Variants in ALDH3A2 observed in about 807,000 individuals in gnomAD.
ALDH3A2 encodes aldehyde dehydrogenase family 3 member A2.
ALDH3A2 carries 36 observed loss-of-function variants against 51.3 expected under a neutral mutation model. The observed-to-expected ratio is 0.70, with a 90% CI of 0.54 to 0.93. The LOEUF (loss-of-function observed/expected upper bound fraction) is 0.93. ALDH3A2 is among the 40% of genes least tolerant of loss of function. ALDH3A2 has a pLI of 0.00. For missense variants in ALDH3A2, 552 were observed against 603.1 expected, an observed-to-expected ratio of 0.92 and a Z score of 0.89; for synonymous variants, 199 against 219.8, an observed-to-expected ratio of 0.91 and a Z score of 0.84.
At position 19,677,589 on chromosome 17, in the gene ALDH3A2, T is replaced by C. The variant is rs1278159860; in HGVS notation, c.*2017T>C. ...CCCAACTATAAATCATTTTATGTCT[T>C]TATCATAGATGGTATTTGTCAACTT... is the stretch of plus-strand genomic sequence containing the variant. On this transcript the variant is annotated 3_prime_UTR_variant, in exon 10 of 10. Coordinates refer to ENST00000176643, the MANE Select transcript of ALDH3A2 (RefSeq NM_000382.3). 1 of 152,236 alleles carries C rather than the reference T, an allele frequency of 6.6e-6. No individual in the cohort carries two copies. Among genetic ancestry groups the C allele is most frequent in the Non-Finnish European group, 1.5e-5 (1 of 68,040 alleles). The allele number at this position is 152,236 out of a possible 1,614,324, so 9.4% of individuals were successfully genotyped here. A position where few individuals can be genotyped will look rare whatever the true frequency, so the allele number is the denominator to read the frequency against.
intron 6 of ALDH3A2, chr17:19,662,232 T>G (rs779053431): frequency 8.5e-5 from 13 of 152,162 alleles, no homozygotes; most frequent in Admixed American, 3.9e-4. Flanking sequence ...ATTAGGACTT[T>G]CCCCTGACTT....
At chr17:19,656,658 C>T in intron 4 of ALDH3A2, 84 bp downstream of exon 4, 1 of 1,318,176 alleles carries the variant, frequency 7.6e-7, no homozygotes, top group South Asian at 1.3e-5. Flanking sequence ...TACTTGAACC[C>T]CATACCTTAT....
chr17:19,648,625 C>T (rs562673860), upstream of ALDH3A2: 26 of 367,806 alleles, frequency 7.1e-5, no homozygotes, highest in Admixed American at 7.6e-4. Context: ...CTGCTCACTC[C>T]ACCCCCTACA....
chr17:19,661,352 T>TTAA (rs1382685693), intron 6 of ALDH3A2, 84 bp downstream of exon 6: 1 of 1,463,934 alleles, frequency 6.8e-7, no homozygotes, highest in Non-Finnish European at 9.6e-7. Flanking sequence ...AGATAAACTA[T>TTAA]TAAATATATA....
intron 6 of ALDH3A2, among the ~76,000 whole-genome samples, chr17:19,662,496 A>T (rs890204595): frequency 3.3e-5 from 5 of 152,182 alleles, no homozygotes; most frequent in Admixed American, 1.3e-4. Context: ...CCAGTTTCTT[A>T]CTTACAGCAT....
chr17:19,667,417 T>G (rs2085053490), intron 8 of ALDH3A2, among the ~76,000 whole-genome samples: 1 of 152,214 alleles, frequency 6.6e-6, no homozygotes, highest in Non-Finnish European at 1.5e-5. Flanking sequence ...ACAAGTGTAA[T>G]TACTCTGTTA....
chr17:19,663,408 T>C lies in ALDH3A2; in HGVS notation c.1016T>C (p.Ile339Thr), dbSNP rs2084993978. ...GAAATTTTTGGACCAATTCTTCCAA[T>C]AGTGCCTGTGAAAAATGTAGATGAG... Reference protein sequence around the residue: ...QEEIFGPILPIVPVKNVDEAI... With the variant: ...QEEIFGPILPTVPVKNVDEAI... The change falls in exon 7 of 10, where the codon ATA (isoleucine) becomes ACA (threonine). Residue 339 changes from isoleucine (I) to threonine (T), a missense_variant. Ile to Thr is a moderately conservative substitution (Grantham distance 89). Transcript: ENST00000176643. The C allele has an allele frequency of 6.2e-7, 1 of 1,614,090 alleles. No individual in the cohort carries two copies. Among genetic ancestry groups the C allele is most frequent in the South Asian group, 1.1e-5 (1 of 91,088 alleles).
chr17:19,667,717 C>T (rs1026150296), intron 8 of ALDH3A2, among the ~76,000 whole-genome samples: 2 of 152,182 alleles, frequency 1.3e-5, no homozygotes, highest in Non-Finnish European at 2.9e-5. Flanking sequence ...TGCCACCAGG[C>T]CCAGCTAATT....
At chr17:19,675,246 A>G (rs2152334369) in intron 9 of ALDH3A2, 1 of 328,554 alleles carries the variant, frequency 3.0e-6, no homozygotes, top group Admixed American at 4.5e-5. Flanking sequence ...TGCTAGGATA[A>G]TAAGTTAGTA....
intron 8 of ALDH3A2, among the ~76,000 whole-genome samples, chr17:19,665,599 A>G (rs2085026771): frequency 6.6e-6 from 1 of 152,122 alleles, no homozygotes; most frequent in Non-Finnish European, 1.5e-5. Flanking sequence ...CCCCTGTTCT[A>G]GAGAGGATGG....
chr17:19,657,276 G>A (rs913936467), intron 4 of ALDH3A2, among the ~76,000 whole-genome samples: 9 of 152,250 alleles, frequency 5.9e-5, no homozygotes, highest in Non-Finnish European at 1.5e-5. Context: ...CTTCCCAAGT[G>A]GGGCAGGGCT....
chr17:19,675,762 C>A lies in ALDH3A2; in HGVS notation c.*190C>A. The A allele has an allele frequency of 1.5e-6, 1 of 668,968 alleles. No homozygotes were observed. Among genetic ancestry groups the A allele is most frequent in the Non-Finnish European group, 2.6e-6 (1 of 380,846 alleles). 41.4% of individuals were successfully genotyped at this position (668,968 alleles called of 1,614,324 possible). A position where few individuals can be genotyped will look rare whatever the true frequency, so the allele number is the denominator to read the frequency against. ...CATTTCAACTACGTCCCAACATTCC[C>A]TAATAGGGTATTCAGGGAACCTGTC... On this transcript the variant is annotated 3_prime_UTR_variant, in exon 10 of 10. Coordinates refer to ENST00000176643, the MANE Select transcript of ALDH3A2 (RefSeq NM_000382.3).
intron 6 of ALDH3A2, 37 bp downstream of exon 6, chr17:19,661,305 A>G: frequency 6.2e-7 from 1 of 1,614,002 alleles, no homozygotes; most frequent in Middle Eastern, 1.6e-4. Context: ...GGAAGATGGC[A>G]ATTTGGCAGT....
In ALDH3A2 at chr17:19,649,073, GC is replaced by G. The variant is rs756687932; in HGVS notation, c.103del (p.Gln35ArgfsTer8). The G allele has an allele frequency of 1.9e-6, 3 of 1,583,884 alleles. No individual in the cohort carries two copies. Among genetic ancestry groups the G allele is most frequent in the Non-Finnish European group, 2.6e-6 (3 of 1,165,592 alleles). ...QQLEALRRMV[Q>X]EREKDILTAI... ...AGCTGGAGGCCCTGCGGAGGATGGTGCAGGAGCGCGAGAAGGATATCCTGAC... is the reference window on the plus strand; with the variant it reads ...AGCTGGAGGCCCTGCGGAGGATGGTGAGGAGCGCGAGAAGGATATCCTGAC... On this transcript the variant is annotated frameshift_variant, in exon 1 of 10. Coordinates refer to ENST00000176643, the MANE Select transcript of ALDH3A2 (RefSeq NM_000382.3). LOFTEE classifies it high-confidence loss of function.
Position 19,677,445 on chromosome 17 carries a change from A to G in ALDH3A2, c.*1873A>G, listed in dbSNP as rs1194904938. 7.2e-6 allele frequency: 1 copy of G among 138,466 alleles called. No homozygotes were observed. The highest frequency in any genetic ancestry group is 2.7e-4 in the East Asian group (1 of 3,686). The allele number at this position is 138,466 out of a possible 1,614,324, so 8.6% of individuals were successfully genotyped here. On this transcript the variant is annotated 3_prime_UTR_variant, in exon 10 of 10. Coordinates refer to ENST00000176643, the MANE Select transcript of ALDH3A2 (RefSeq NM_000382.3). ...TGTTTAAATTATTGGCTTGTCTACTAATACACATCTGCTTCAAAATGAACA... is the reference window on the plus strand; with the variant it reads ...TGTTTAAATTATTGGCTTGTCTACTGATACACATCTGCTTCAAAATGAACA...
rs930628034 is a variant in ALDH3A2, at chr17:19,654,670, G to C, written c.472-1696G>C. Among the ~76,000 whole-genome samples, 2 of 151,666 alleles carry C rather than the reference G, an allele frequency of 1.3e-5. No individual in the cohort carries two copies. The highest frequency in any genetic ancestry group is 2.9e-5 in the Non-Finnish European group (2 of 67,920). The stretch of plus-strand genomic sequence containing the variant: ...TCGCTCTGGCTTGTGAGCGCCACGC[G>C]CAGCCCCGGTTCCTGCCTGCGCCTC... On this transcript the variant is annotated intron_variant, in intron 3 of 9. Coordinates refer to ENST00000176643, the MANE Select transcript of ALDH3A2 (RefSeq NM_000382.3). The surrounding 1 kb of genome is among the most constrained non-coding windows in gnomAD (Gnocchi z 4.5).
intron 9 of ALDH3A2, chr17:19,673,312 G>T: frequency 6.2e-7 from 1 of 1,609,628 alleles, no homozygotes; most frequent in South Asian, 1.1e-5. Flanking sequence ...ATGTAAGGTG[G>T]GCCAAGTTGG....
chr17:19,668,013 G>A (rs1318827410), intron 8 of ALDH3A2, among the ~76,000 whole-genome samples: 1 of 151,890 alleles, frequency 6.6e-6, no homozygotes, highest in African/African-American at 2.4e-5. Context: ...TAAATTTCTA[G>A]ACAGAAAAGG....
Position 19,675,754 on chromosome 17 carries a change from A to T in ALDH3A2, c.*182A>T. 3 of 703,778 alleles carry T rather than the reference A, an allele frequency of 4.3e-6. No individual in the cohort carries two copies. In the South Asian group the frequency reaches 5.0e-5, roughly 12 times the overall value. The allele number at this position is 703,778 out of a possible 1,614,324, so 43.6% of individuals were successfully genotyped here. ...AAAGTTGCCATTTCAACTACGTCCC[A>T]ACATTCCCTAATAGGGTATTCAGGG... is the stretch of plus-strand genomic sequence containing the variant. On this transcript the variant is annotated 3_prime_UTR_variant, in exon 10 of 10. Transcript: ENST00000176643.
Sources: gnomAD v4.1 joint callset for allele counts (sites outside exome capture counted in the v4.1 genomes callset) on GRCh38, gnomAD v4.1.1 for gene constraint, Gnocchi (gnomAD v3.1) non-coding constraint, MANE v1.5 for transcripts, NCBI Gene and HGNC (gene_info 2026-07-23, HGNC 2026-07-21) for gene names.